Variants in THSD4 observed in about 807,000 individuals in gnomAD.
The protein encoded by THSD4 is thrombospondin type-1 domain-containing protein 4.
THSD4 carries 69 observed loss-of-function variants against 119.0 expected under a neutral mutation model. The observed-to-expected ratio is 0.58, with a 90% CI of 0.48 to 0.71. THSD4 has a LOEUF of 0.71. Ranked by LOEUF, THSD4 falls within the 30% of genes least tolerant of loss-of-function variation. THSD4 has a pLI of 0.00. For missense variants in THSD4, 1,393 were observed against 1,391.1 expected, an observed-to-expected ratio of 1.00 and a Z score of -0.02; for synonymous variants, 524 against 540.4, an observed-to-expected ratio of 0.97 and a Z score of 0.42.
chr15:71,615,673 T>A (rs2050307915), intron 7 of THSD4, among the ~76,000 whole-genome samples: 1 of 152,176 alleles, frequency 6.6e-6, no homozygotes, highest in Non-Finnish European at 1.5e-5. Flanking sequence ...AAACAAGAGC[T>A]GTTTCCTCTT....
At chr15:71,722,336 A>G (rs2052738284) in intron 8 of THSD4, among the ~76,000 whole-genome samples, 2 of 152,222 alleles carry the variant, frequency 1.3e-5, no homozygotes, top group South Asian at 4.1e-4. Flanking sequence ...CTATTGTATG[A>G]TTCAAGATTA....
intron 7 of THSD4, among the ~76,000 whole-genome samples, chr15:71,602,662 G>C (rs904432563): frequency 2.0e-5 from 3 of 151,162 alleles, no homozygotes; most frequent in East Asian, 3.9e-4. Context: ...CTAAAACCAA[G>C]GCTCCTGCAA....
Position 71,780,464 on chromosome 15 carries a change from C to T in THSD4, c.*3090C>T, listed in dbSNP as rs140814018. The stretch of plus-strand genomic sequence containing the variant: ...GTACTATCGATTCTTTCCACCCTCA[C>T]GATGACTTGCGGTTCTCTCTGTAGA... On this transcript the variant is annotated 3_prime_UTR_variant, in exon 18 of 18. Transcript: ENST00000261862. 4.4e-4 allele frequency: 109 copies of T among 246,046 alleles called. No homozygotes were observed. In the East Asian group the frequency reaches 8.3e-3, roughly 19 times the overall value. The allele number at this position is 246,046 out of a possible 1,614,324, so 15.2% of individuals were successfully genotyped here. A position where few individuals can be genotyped will look rare whatever the true frequency, so the allele number is the denominator to read the frequency against.
intron 2 of THSD4, among the ~76,000 whole-genome samples, chr15:71,146,056 T>C (rs1394524921): frequency 3.3e-5 from 5 of 152,252 alleles, no homozygotes; most frequent in African/African-American, 1.2e-4. Flanking sequence ...CTACCTTTTA[T>C]GTACAACAGA....
intron 14 of THSD4, among the ~76,000 whole-genome samples, chr15:71,751,650 G>GTTTTTATTTTTA (rs375557304): frequency 1.1e-4 from 16 of 151,136 alleles, no homozygotes; most frequent in South Asian, 4.2e-4. Context: ...GGATTTTCTA[G>GTTTTTATTTTTA]TTTTTATTTT....
chr15:71,619,717 C>T (rs559226920), intron 7 of THSD4, among the ~76,000 whole-genome samples: 1 of 152,282 alleles, frequency 6.6e-6, no homozygotes, highest in East Asian at 1.9e-4. Context: ...ACAGAACATA[C>T]AAGCATAGGG....
At chr15:71,447,771 C>G (rs80075328) in intron 7 of THSD4, among the ~76,000 whole-genome samples, 1 of 152,278 alleles carries the variant, frequency 6.6e-6, no homozygotes, top group East Asian at 1.9e-4. Context: ...GGAACAACTC[C>G]AGAGGAAGAG....
At chr15:71,411,072 T>C (rs1210073027) in intron 6 of THSD4, among the ~76,000 whole-genome samples, 1 of 152,146 alleles carries the variant, frequency 6.6e-6, no homozygotes, top group African/African-American at 2.4e-5. Context: ...CTCACTGTGA[T>C]TGCTGATATA....
At chr15:71,486,024 T>C (rs1319670398) in intron 7 of THSD4, among the ~76,000 whole-genome samples, 1 of 152,176 alleles carries the variant, frequency 6.6e-6, no homozygotes. Flanking sequence ...AGTCAGATCA[T>C]TTTTTCCTCT....
At chr15:71,183,362 G>T (rs2043555925) in intron 3 of THSD4, 1 of 151,766 alleles carries the variant, frequency 6.6e-6, no homozygotes, top group South Asian at 2.1e-4. Flanking sequence ...ATGAGATTTG[G>T]ATGGGGACAC....
chr15:71,426,232 C>G (rs2046865118), intron 7 of THSD4, among the ~76,000 whole-genome samples: 1 of 152,214 alleles, frequency 6.6e-6, no homozygotes, highest in Non-Finnish European at 1.5e-5. Flanking sequence ...GACACATTGG[C>G]AGACAGTTTC....
chr15:71,589,233 A>ACCACCAT lies in THSD4; in HGVS notation c.1153-71297_1153-71296insCCACCAT, dbSNP rs1555429809. 5.4e-3 allele frequency among the ~76,000 whole-genome samples: 509 copies of ACCACCAT among 94,540 alleles called. 18 individuals are homozygous for ACCACCAT. Among genetic ancestry groups the ACCACCAT allele is most frequent in the Non-Finnish European group, 7.1e-3 (259 of 36,474 alleles). 62.0% of individuals were successfully genotyped at this position (94,540 alleles called of 152,430 possible). ...AATTAAATGGACTTGAATATATTAA[A>ACCACCAT]GGACATAGGATATAAGAGTAATAAG... is the stretch of plus-strand genomic sequence containing the variant. On this transcript the variant is annotated intron_variant, in intron 7 of 17. Coordinates refer to ENST00000261862, the MANE Select transcript of THSD4 (RefSeq NM_024817.3).
chr15:71,780,594 TA>T lies in THSD4; in HGVS notation c.*3223del. 1 of 443,008 alleles carries T rather than the reference TA, an allele frequency of 2.3e-6. No individual in the cohort carries two copies. Among genetic ancestry groups the T allele is most frequent in the South Asian group, 1.6e-5 (1 of 62,660 alleles). The allele number at this position is 443,008 out of a possible 1,614,324, so 27.4% of individuals were successfully genotyped here. On this transcript the variant is annotated 3_prime_UTR_variant, in exon 18 of 18. Coordinates refer to ENST00000261862, the MANE Select transcript of THSD4 (RefSeq NM_024817.3). ...ACTAGAGGGAGTCAGTTCAGTTCCGTAAAGGTATGCTCAGTGCCCGCTGCCT... is the reference window on the plus strand; with the variant it reads ...ACTAGAGGGAGTCAGTTCAGTTCCGTAAGGTATGCTCAGTGCCCGCTGCCT...
At chr15:71,133,792 TC>T (rs1164498841) in intron 1 of THSD4, among the ~76,000 whole-genome samples, 1 of 152,234 alleles carries the variant, frequency 6.6e-6, no homozygotes, top group Non-Finnish European at 1.5e-5. Flanking sequence ...TTGAATATTT[TC>T]TTTAGTTACC....
chr15:71,734,958 C>T (rs2053053927), intron 10 of THSD4, among the ~76,000 whole-genome samples: 1 of 152,128 alleles, frequency 6.6e-6, no homozygotes, highest in Non-Finnish European at 1.5e-5. Context: ...TCATCATCTA[C>T]AATCTCAGAT....
In THSD4 at chr15:71,416,695, CATTTT is replaced by C. The variant is rs201029327; in HGVS notation, c.1152+4888_1152+4892del. ...CCATTTTATTTATTTTATTTTGTTT[CATTTT>C]ATTTTATTTTATTTTGTTTTGTTTT... On this transcript the variant is annotated intron_variant, in intron 7 of 17. Coordinates refer to ENST00000261862, the MANE Select transcript of THSD4 (RefSeq NM_024817.3). Among the ~76,000 whole-genome samples the C allele has an allele frequency of 1.7e-3, 160 of 96,602 alleles. 39 individuals carry two copies. The highest frequency in any genetic ancestry group is 5.1e-3 in the African/African-American group (138 of 26,940). 63.4% of individuals were successfully genotyped at this position (96,602 alleles called of 152,430 possible).
chr15:71,269,102 G>T (rs1384555110), intron 6 of THSD4, among the ~76,000 whole-genome samples: 1 of 152,082 alleles, frequency 6.6e-6, no homozygotes, highest in African/African-American at 2.4e-5. Flanking sequence ...CATTTTATGA[G>T]GCCAGCATCA....
intron 6 of THSD4, among the ~76,000 whole-genome samples, chr15:71,408,375 G>A (rs1247518158): frequency 2.6e-5 from 4 of 152,158 alleles, no homozygotes; most frequent in Non-Finnish European, 4.4e-5. Flanking sequence ...TGGGACTACA[G>A]GCGTGCACCC....
chr15:71,234,653 T>G (rs954219293), intron 4 of THSD4, among the ~76,000 whole-genome samples: 8 of 152,354 alleles, frequency 5.3e-5, no homozygotes, highest in African/African-American at 1.9e-4. Flanking sequence ...GTCATAACAC[T>G]TCTTCATAGT....
Sources: gnomAD v4.1 joint callset for allele counts (sites outside exome capture counted in the v4.1 genomes callset) on GRCh38, gnomAD v4.1.1 for gene constraint, MANE v1.5 for transcripts, NCBI Gene and HGNC (gene_info 2026-07-23, HGNC 2026-07-21) for gene names.